Variants in MEIS1 observed in about 807,000 individuals in gnomAD.
The protein encoded by MEIS1 is homeobox protein Meis1.
Under a neutral mutation model 50.8 loss-of-function variants are expected in MEIS1, and 5 were observed. The observed-to-expected ratio is 0.10, with a 90% CI of 0.05 to 0.21. MEIS1 has a LOEUF of 0.21. Among genes scored for constraint, MEIS1 ranks in the 10% least tolerant of loss-of-function variants. The pLI is 1.00. For missense variants in MEIS1, 318 were observed against 517.3 expected (o/e 0.61, Z 3.74); for synonymous variants, 176 against 179.3 (o/e 0.98, Z 0.15).
intron 8 of MEIS1, among the ~76,000 whole-genome samples, chr2:66,525,625 T>C (rs1049955843): frequency 1.1e-4 from 16 of 152,264 alleles, no homozygotes; most frequent in African/African-American, 3.6e-4. Context: ...AGCACTTTCA[T>C]TGGATCCCTC....
chr2:66,521,183 T>C (rs1441817537), intron 8 of MEIS1, among the ~76,000 whole-genome samples: 1 of 152,200 alleles, frequency 6.6e-6, no homozygotes, highest in Non-Finnish European at 1.5e-5. Flanking sequence ...ATTTTTGCGT[T>C]TTTGGAATTT....
chr2:66,483,020 T>C (rs1205544130), intron 7 of MEIS1, among the ~76,000 whole-genome samples: 1 of 152,218 alleles, frequency 6.6e-6, no homozygotes, highest in Non-Finnish European at 1.5e-5. Flanking sequence ...GTAGTATTAG[T>C]ACCTACTTAT....
intron 8 of MEIS1, among the ~76,000 whole-genome samples, chr2:66,525,084 AC>A (rs1392157089): frequency 6.6e-6 from 1 of 152,014 alleles, no homozygotes; most frequent in East Asian, 1.9e-4. Flanking sequence ...GTGGCGGGGC[AC>A]GCTTGTAGTC....
chr2:66,511,534 T>C (rs1420566481), intron 7 of MEIS1, among the ~76,000 whole-genome samples: 1 of 152,222 alleles, frequency 6.6e-6, no homozygotes, highest in Non-Finnish European at 1.5e-5. Context: ...AATTGTTTTT[T>C]AATTAAGAAA....
chr2:66,466,771 C>T (rs944080790), intron 7 of MEIS1, among the ~76,000 whole-genome samples: 2 of 152,094 alleles, frequency 1.3e-5, no homozygotes, highest in Non-Finnish European at 2.9e-5. Context: ...TTTATACATA[C>T]CCAATAGACA....
chr2:66,435,319 G>C lies in MEIS1; in HGVS notation c.-538G>C, dbSNP rs956872223. The stretch of plus-strand genomic sequence containing the variant: ...AGAGAGGGAGAGAAAGAAAGAGAGA[G>C]AGAGAAGAGAGAAACTGATTAGGAA... On this transcript the variant is annotated 5_prime_UTR_variant, in exon 1 of 13. Transcript: ENST00000272369. 1 of 159,588 alleles carries C rather than the reference G, an allele frequency of 6.3e-6. No individual in the cohort carries two copies. The highest frequency in any genetic ancestry group is 1.4e-5 in the Non-Finnish European group (1 of 73,136). The allele number at this position is 159,588 out of a possible 1,614,324, so 9.9% of individuals were successfully genotyped here.
At chr2:66,494,557 G>A (rs1421104946) in intron 7 of MEIS1, among the ~76,000 whole-genome samples, 6 of 152,184 alleles carry the variant, frequency 3.9e-5, no homozygotes, top group African/African-American at 1.4e-4. Context: ...AGTCTGGTAG[G>A]AATGCTGCAT....
At chr2:66,473,241 A>G (rs1441222747) in intron 7 of MEIS1, among the ~76,000 whole-genome samples, 3 of 151,216 alleles carry the variant, frequency 2.0e-5, no homozygotes, top group Non-Finnish European at 3.0e-5. Context: ...AGCCGGGTAT[A>G]GTGGTGCGTG....
rs1553370150 is a variant in MEIS1 at position 66,440,049 on chromosome 2, A to ACGCGTGCGCG, written c.381+69_381+70insTGCGCGCGCG. 9 of 1,078,608 alleles carry ACGCGTGCGCG rather than the reference A, an allele frequency of 8.3e-6. 1 individual carries two copies. The highest frequency in any genetic ancestry group is 1.1e-5 in the Non-Finnish European group (9 of 802,460). 66.8% of individuals were successfully genotyped at this position (1,078,608 alleles called of 1,614,324 possible). A position where few individuals can be genotyped will look rare whatever the true frequency, so the allele number is the denominator to read the frequency against. On this transcript the variant is annotated intron_variant, in intron 3 of 12. Coordinates refer to ENST00000272369, the MANE Select transcript of MEIS1 (RefSeq NM_002398.3). ...GAGAGCCCCCCCTTCGCCAACACAC[A>ACGCGTGCGCG]CGCGCGCGCGCGCGCGCGAACACAC... is the stretch of plus-strand genomic sequence containing the variant.
At chr2:66,441,756 C>T in intron 5 of MEIS1, 2 of 380,824 alleles carry the variant, frequency 5.3e-6, no homozygotes, top group Non-Finnish European at 9.3e-6. Flanking sequence ...GTTTCGAATG[C>T]TGCTCTGAGG....
intron 8 of MEIS1, among the ~76,000 whole-genome samples, chr2:66,544,630 T>A (rs1674744613): frequency 6.6e-6 from 1 of 152,168 alleles, no homozygotes; most frequent in African/African-American, 2.4e-5. Flanking sequence ...CATTCATTTG[T>A]ATTAAAAAAA....
In MEIS1 at chr2:66,568,713, T is replaced by A; in HGVS notation, c.1071T>A (p.Gly357=). 6.2e-7 allele frequency: 1 copy of A among 1,613,344 alleles called. No individual in the cohort carries two copies. Among genetic ancestry groups the A allele is most frequent in the Non-Finnish European group, 8.5e-7 (1 of 1,179,636 alleles). ...PYNPDGQPMG[G]FVMDGQQHMG... is the part of the protein sequence containing the mutation. ...ATCCTGATGGACAGCCCATGGGAGGTTTCGTAATGGACGGTCAGCAACATA... is the reference window on the plus strand; with the variant it reads ...ATCCTGATGGACAGCCCATGGGAGGATTCGTAATGGACGGTCAGCAACATA... Residue 357 remains glycine (G), a synonymous_variant, in exon 11 of 13, where the codon GGT becomes GGA. Transcript: ENST00000272369.
chr2:66,528,168 A>G (rs1186787651), intron 8 of MEIS1, among the ~76,000 whole-genome samples: 1 of 152,196 alleles, frequency 6.6e-6, no homozygotes, highest in African/African-American at 2.4e-5. Context: ...CTAGAGATGT[A>G]TATAGAGTCA....
intron 9 of MEIS1, among the ~76,000 whole-genome samples, chr2:66,558,855 A>G (rs1233629060): frequency 6.6e-6 from 1 of 152,122 alleles, no homozygotes; most frequent in Non-Finnish European, 1.5e-5. Context: ...TTAATACCTG[A>G]TTAGGGCCAG....
chr2:66,469,707 CT>C (rs923984267), intron 7 of MEIS1, among the ~76,000 whole-genome samples: 1 of 152,126 alleles, frequency 6.6e-6, no homozygotes, highest in Non-Finnish European at 1.5e-5. Context: ...CAAACTGACA[CT>C]TCATTTTTCA....
At chr2:66,535,903 G>C (rs565518329) in intron 8 of MEIS1, among the ~76,000 whole-genome samples, 1 of 152,126 alleles carries the variant, frequency 6.6e-6, no homozygotes, top group Non-Finnish European at 1.5e-5. Context: ...TGAAGTGCAT[G>C]GTGCACAGAA....
chr2:66,523,329 G>T (rs1299791786), intron 8 of MEIS1, among the ~76,000 whole-genome samples: 1 of 152,172 alleles, frequency 6.6e-6, no homozygotes, highest in Non-Finnish European at 1.5e-5. Context: ...ATTAATGCTT[G>T]AAAAACTGCT....
intron 7 of MEIS1, among the ~76,000 whole-genome samples, chr2:66,490,718 A>G (rs1372936452): frequency 6.6e-6 from 1 of 152,144 alleles, no homozygotes; most frequent in Non-Finnish European, 1.5e-5. Context: ...AACATTTGAT[A>G]ATGTGTAAAA....
chr2:66,512,638 A>G (rs1673862171), intron 8 of MEIS1, among the ~76,000 whole-genome samples: 2 of 152,194 alleles, frequency 1.3e-5, no homozygotes, highest in South Asian at 4.1e-4. Context: ...AAAGTTAGAC[A>G]AACCCTAGAG....
Sources: allele counts gnomAD v4.1 joint callset (sites outside exome capture counted in the v4.1 genomes callset), GRCh38; gene constraint gnomAD v4.1.1; transcripts MANE v1.5; gene names NCBI Gene and HGNC (gene_info 2026-07-23, HGNC 2026-07-21).